The following PRKN variants were observed in gnomAD, a reference collection of about 807,000 sequenced individuals.
PRKN encodes E3 ubiquitin-protein ligase parkin.
A neutral mutation model predicts 59.5 loss-of-function variants in PRKN; 56 were observed. The ratio of observed to expected loss-of-function variants is 0.94; its 90% CI spans 0.76 to 1.18. The LOEUF (loss-of-function observed/expected upper bound fraction) is 1.18, where lower values mean the gene tolerates loss of function less well. PRKN is among the 50% of genes most tolerant of loss of function. The probability of loss-of-function intolerance (pLI) is 0.00; values close to 1 mark genes in which losing one functional copy is unlikely to be tolerated. For synonymous variants in PRKN, 250 were observed against 222.1 expected (o/e 1.13, Z -1.12); for missense variants, 657 against 596.4 (o/e 1.10, Z -1.06).
intron 11 of PRKN, 61 bp from the exon 12 acceptor site, chr6:161,350,272 T>C (rs1784475331): frequency 8.9e-7 from 1 of 1,125,782 alleles, no homozygotes; most frequent in Non-Finnish European, 1.3e-6. Flanking sequence ...AAAACACGCA[T>C]TCCCAAACCA....
intron 1 of PRKN, among the ~76,000 whole-genome samples, chr6:162,704,013 C>T (rs916514441): frequency 1.3e-5 from 2 of 152,152 alleles, no homozygotes; most frequent in Non-Finnish European, 2.9e-5. Flanking sequence ...TGTAATTAAG[C>T]GCCTTAGCTA....
intron 4 of PRKN, among the ~76,000 whole-genome samples, chr6:162,138,238 T>C (rs1781629104): frequency 6.6e-6 from 1 of 152,156 alleles, no homozygotes; most frequent in South Asian, 2.1e-4. Context: ...AGGTGGGATA[T>C]TTTGCATTCC....
intron 9 of PRKN, among the ~76,000 whole-genome samples, chr6:161,512,292 AC>A (rs11294530): frequency 0.55 from 80,433 of 146,474 alleles, 21,672 homozygotes; most frequent in East Asian, 0.66. Flanking sequence ...TAAGGAAATG[AC>A]CCCCCCCTGA....
chr6:162,608,973 G>T (rs1782031911), intron 1 of PRKN, among the ~76,000 whole-genome samples: 1 of 152,138 alleles, frequency 6.6e-6, no homozygotes, highest in African/African-American at 2.4e-5. Context: ...ATGAGCAAAG[G>T]CCTCGCCTCT....
At chr6:161,902,953 T>G (rs1777990440) in intron 6 of PRKN, among the ~76,000 whole-genome samples, 1 of 152,168 alleles carries the variant, frequency 6.6e-6, no homozygotes, top group Non-Finnish European at 1.5e-5. Context: ...CAGAAAGTTG[T>G]GTGCTGCAAG....
chr6:161,447,023 T>C lies in PRKN; in HGVS notation c.1084-60146A>G, dbSNP rs1293538431. 1.3e-5 allele frequency among the ~76,000 whole-genome samples: 2 copies of C among 152,202 alleles called. No homozygotes were observed. The highest frequency in any genetic ancestry group is 2.9e-5 in the Non-Finnish European group (2 of 68,032). Reference sequence around the variant, plus strand: ...AGGCTAAATAGGATTTCTTTTCTGTTAGCTATGGGTAGGTGACTTCTTAAT... The same window carrying C: ...AGGCTAAATAGGATTTCTTTTCTGTCAGCTATGGGTAGGTGACTTCTTAAT... On this transcript the variant is annotated intron_variant, in intron 9 of 11. Transcript: ENST00000366898. This position sits in a 1 kb window ranked among gnomAD's most constrained non-coding sequence, Gnocchi z 4.1.
At chr6:162,450,372 G>GA (rs1790551496) in intron 1 of PRKN, among the ~76,000 whole-genome samples, 2 of 131,052 alleles carry the variant, frequency 1.5e-5, no homozygotes, top group African/African-American at 5.7e-5. Flanking sequence ...ACGCCCCTGT[G>GA]ATTGTAATCC....
intron 1 of PRKN, among the ~76,000 whole-genome samples, chr6:162,464,005 A>G (rs947968351): frequency 3.9e-5 from 6 of 152,186 alleles, no homozygotes; most frequent in Non-Finnish European, 5.9e-5. Context: ...ACCAGTCTTT[A>G]TTTTATTTTA....
chr6:162,126,473 G>T (rs1039378614), intron 4 of PRKN, among the ~76,000 whole-genome samples: 1 of 152,138 alleles, frequency 6.6e-6, no homozygotes, highest in Non-Finnish European at 1.5e-5. Flanking sequence ...TTTAGGAAAA[G>T]GTCAAATTAT....
intron 1 of PRKN, among the ~76,000 whole-genome samples, chr6:162,558,116 G>A (rs1362572958): frequency 1.3e-5 from 2 of 151,972 alleles, no homozygotes; most frequent in Non-Finnish European, 2.9e-5. Flanking sequence ...TGCTCCTTAC[G>A]ACAAAGGTTT....
intron 7 of PRKN, among the ~76,000 whole-genome samples, chr6:161,644,757 C>G (rs1402603977): frequency 6.6e-6 from 1 of 152,196 alleles, no homozygotes; most frequent in South Asian, 2.1e-4. Flanking sequence ...GGCATGAGAG[C>G]CGAGTGAAGG....
At chr6:161,441,646 TAA>T (rs549048343) in intron 9 of PRKN, among the ~76,000 whole-genome samples, 12,213 of 97,202 alleles carry the variant, frequency 0.13, 740 homozygotes, top group African/African-American at 0.2. Flanking sequence ...CTCTGTCTCT[TAA>T]AAAAAAAAAA....
chr6:162,230,341 G>T (rs187756332), intron 3 of PRKN, among the ~76,000 whole-genome samples: 1 of 152,342 alleles, frequency 6.6e-6, no homozygotes, highest in African/African-American at 2.4e-5. Context: ...TGCATTTGCT[G>T]TATACCAAGC....
chr6:162,394,676 G>T (rs1422205634), intron 2 of PRKN, among the ~76,000 whole-genome samples: 1 of 152,150 alleles, frequency 6.6e-6, no homozygotes, highest in Non-Finnish European at 1.5e-5. Flanking sequence ...CTTATCTCAT[G>T]AAGTCCCAGT....
At position 162,349,825 on chromosome 6, in the gene PRKN, C is replaced by T. The variant is rs1784551998; in HGVS notation, c.172-87060G>A. Among the ~76,000 whole-genome samples, 4 of 152,258 alleles carry T rather than the reference C, an allele frequency of 2.6e-5. No homozygotes were observed. The East Asian group carries it at 7.7e-4, about 29-fold the overall frequency. On this transcript the variant is annotated intron_variant, in intron 2 of 11. Coordinates refer to ENST00000366898, the MANE Select transcript of PRKN (RefSeq NM_004562.3). ...GTCTGCTCTTATCAGTTCTATTCAA[C>T]ATTGTACTGGAGGTTTTAGTCAATG...
At chr6:162,012,784 A>C (rs1442635540) in intron 5 of PRKN, among the ~76,000 whole-genome samples, 2 of 152,060 alleles carry the variant, frequency 1.3e-5, no homozygotes, top group Admixed American at 6.6e-5. Flanking sequence ...CATAGCCTTG[A>C]CATTTTCTGT....
At chr6:161,768,782 T>A (rs1310977478) in intron 7 of PRKN, among the ~76,000 whole-genome samples, 1 of 152,182 alleles carries the variant, frequency 6.6e-6, no homozygotes, top group Non-Finnish European at 1.5e-5. Flanking sequence ...TCATTACTCA[T>A]CTGCAGCCTA....
chr6:162,506,378 A>G (rs1302198327), intron 1 of PRKN, among the ~76,000 whole-genome samples: 1 of 152,138 alleles, frequency 6.6e-6, no homozygotes, highest in Non-Finnish European at 1.5e-5. Context: ...AATGTCTAGC[A>G]AGCTAAAGAC....
chr6:161,874,804 G>GATTA (rs1272269806), intron 6 of PRKN, among the ~76,000 whole-genome samples: 1 of 12,206 alleles, frequency 8.2e-5, no homozygotes, highest in Non-Finnish European at 1.6e-4. Context: ...AAATGTATAA[G>GATTA]ATATATAAAA....
Sources: allele counts gnomAD v4.1 joint callset (sites outside exome capture counted in the v4.1 genomes callset), GRCh38; gene constraint gnomAD v4.1.1; non-coding constraint Gnocchi (gnomAD v3.1); transcripts MANE v1.5; gene names NCBI Gene and HGNC (gene_info 2026-07-23, HGNC 2026-07-21).